The following KCNH1 variants were observed in gnomAD, a reference collection of about 807,000 sequenced individuals.
The protein encoded by KCNH1 is voltage-gated delayed rectifier potassium channel KCNH1.
KCNH1 carries 27 observed loss-of-function variants against 69.2 expected under a neutral mutation model. That is an observed-to-expected ratio of 0.39 (90% confidence interval 0.29 to 0.54). The LOEUF (loss-of-function observed/expected upper bound fraction) is 0.54. Ranked by LOEUF, KCNH1 falls within the 20% of genes least tolerant of loss-of-function variation. KCNH1 has a pLI of 0.68. For synonymous variants in KCNH1, 456 were observed against 487.7 expected, an observed-to-expected ratio of 0.93 and a Z score of 0.86; for missense variants, 798 against 1,261.6, an observed-to-expected ratio of 0.63 and a Z score of 5.57.
intron 10 of KCNH1, among the ~76,000 whole-genome samples, chr1:210,709,910 A>G (rs969829241): frequency 6.6e-6 from 1 of 152,232 alleles, no homozygotes; most frequent in East Asian, 1.9e-4. Context: ...TGTGATGTAC[A>G]TTGCACAATC....
At chr1:211,120,268 C>T (rs1407313290) in intron 1 of KCNH1, among the ~76,000 whole-genome samples, 1 of 151,536 alleles carries the variant, frequency 6.6e-6, no homozygotes, top group Non-Finnish European at 1.5e-5. Flanking sequence ...CGGCTCACTG[C>T]AACCTCTGTC....
intron 5 of KCNH1, among the ~76,000 whole-genome samples, chr1:211,066,807 T>A (rs1158742438): frequency 6.6e-6 from 1 of 152,208 alleles, no homozygotes. Flanking sequence ...ACACTATCCC[T>A]GTAACTGAGG....
intron 5 of KCNH1, among the ~76,000 whole-genome samples, chr1:211,039,558 C>T (rs559715328): frequency 2.9e-4 from 44 of 152,302 alleles, no homozygotes; most frequent in African/African-American, 9.4e-4. Flanking sequence ...GAGGCTGTAC[C>T]CTGCAAAGTC....
intron 6 of KCNH1, among the ~76,000 whole-genome samples, chr1:210,946,477 T>G (rs985522087): frequency 6.6e-6 from 1 of 152,200 alleles, no homozygotes; most frequent in Non-Finnish European, 1.5e-5. Context: ...GTCACTGAGA[T>G]ACTCCTCGTT....
chr1:210,751,141 C>T (rs1252591575), intron 10 of KCNH1, among the ~76,000 whole-genome samples: 1 of 152,132 alleles, frequency 6.6e-6, no homozygotes, highest in Non-Finnish European at 1.5e-5. Context: ...GGTTCCAGTA[C>T]TCCCAGGCCC....
chr1:210,705,210 A>G (rs1396321877), intron 10 of KCNH1, among the ~76,000 whole-genome samples: 1 of 152,210 alleles, frequency 6.6e-6, no homozygotes, highest in Admixed American at 6.5e-5. Context: ...GAAGTATCTG[A>G]AATAGGCAAG....
At chr1:211,032,707 A>G (rs1458912671) in intron 5 of KCNH1, among the ~76,000 whole-genome samples, 1 of 152,228 alleles carries the variant, frequency 6.6e-6, no homozygotes, top group Non-Finnish European at 1.5e-5. Flanking sequence ...CTGGCTAGCC[A>G]TATGTAGAAA....
intron 6 of KCNH1, among the ~76,000 whole-genome samples, chr1:210,989,163 C>T (rs1216350311): frequency 6.6e-6 from 1 of 152,184 alleles, no homozygotes; most frequent in Non-Finnish European, 1.5e-5. Context: ...AGAAAGTGGG[C>T]CAAGTTTTGT....
intron 10 of KCNH1, among the ~76,000 whole-genome samples, chr1:210,710,530 T>G (rs1558433925): frequency 6.6e-6 from 1 of 152,180 alleles, no homozygotes; most frequent in Non-Finnish European, 1.5e-5. Context: ...AATGTAACAA[T>G]GGCTATGATA....
At chr1:210,982,347 G>C (rs1688729574) in intron 6 of KCNH1, among the ~76,000 whole-genome samples, 1 of 151,940 alleles carries the variant, frequency 6.6e-6, no homozygotes, top group African/African-American at 2.4e-5. Flanking sequence ...GTATACATGT[G>C]CCATGTTGGT....
chr1:210,926,320 C>A (rs980681681), intron 6 of KCNH1, among the ~76,000 whole-genome samples: 3 of 152,108 alleles, frequency 2.0e-5, no homozygotes, highest in African/African-American at 7.2e-5. Context: ...ACTCCACTCC[C>A]CTGCTACCTC....
intron 7 of KCNH1, among the ~76,000 whole-genome samples, chr1:210,883,503 T>C (rs1686540033): frequency 6.6e-6 from 1 of 152,232 alleles, no homozygotes; most frequent in Non-Finnish European, 1.5e-5. Flanking sequence ...TGTCCTGTTA[T>C]GGGATGGCAT....
At chr1:210,766,261 C>T (rs1231591991) in intron 10 of KCNH1, among the ~76,000 whole-genome samples, 1 of 151,844 alleles carries the variant, frequency 6.6e-6, no homozygotes, top group Non-Finnish European at 1.5e-5. Context: ...TAGGGTAGTT[C>T]CCGCCTGTAA....
intron 8 of KCNH1, among the ~76,000 whole-genome samples, chr1:210,798,334 C>T (rs1250346532): frequency 2.0e-5 from 3 of 152,128 alleles, no homozygotes; most frequent in Non-Finnish European, 4.4e-5. Context: ...CCACCACAAC[C>T]GGCCAGGAAG....
At chr1:210,818,505 CTT>C (rs2102423088) in intron 7 of KCNH1, among the ~76,000 whole-genome samples, 1 of 152,260 alleles carries the variant, frequency 6.6e-6, no homozygotes, top group Admixed American at 6.5e-5. Context: ...GAGCAAAACA[CTT>C]AGTGTGAGTT....
chr1:210,936,016 G>T (rs1353799680), intron 6 of KCNH1, among the ~76,000 whole-genome samples: 1 of 152,288 alleles, frequency 6.6e-6, no homozygotes, highest in Middle Eastern at 3.4e-3. Flanking sequence ...TTCTCTGCTC[G>T]ATTTTATTTT....
At chr1:210,799,265 G>A (rs1684383818) in intron 8 of KCNH1, among the ~76,000 whole-genome samples, 1 of 152,096 alleles carries the variant, frequency 6.6e-6, no homozygotes, top group African/African-American at 2.4e-5. Flanking sequence ...GAGACACAAG[G>A]AAGATAAATA....
At chr1:210,794,613 T>C (rs1166698012) in intron 9 of KCNH1, among the ~76,000 whole-genome samples, 2 of 152,142 alleles carry the variant, frequency 1.3e-5, no homozygotes, top group African/African-American at 4.8e-5. Flanking sequence ...TCCCCACCCC[T>C]CTTCAGCTCC....
At chr1:210,862,668 C>T (rs1186424951) in intron 7 of KCNH1, among the ~76,000 whole-genome samples, 2 of 152,196 alleles carry the variant, frequency 1.3e-5, no homozygotes, top group African/African-American at 4.8e-5. Context: ...GATTGAAAAA[C>T]AATTCCTTTT....
Sources: gnomAD v4.1 joint callset for allele counts (sites outside exome capture counted in the v4.1 genomes callset) on GRCh38, gnomAD v4.1.1 for gene constraint, MANE v1.5 for transcripts, NCBI Gene and HGNC (gene_info 2026-07-23, HGNC 2026-07-21) for gene names.